The following C16orf90 variants were observed in gnomAD, a reference collection of about 807,000 sequenced individuals.
C16orf90 encodes the protein chromosome 16 open reading frame 90, also known as uncharacterized protein C16orf90.
C16orf90 carries 17 observed loss-of-function variants against 17.1 expected under a neutral mutation model. The observed-to-expected ratio is 1.00, with a 90% CI of 0.68 to 1.49. The LOEUF (loss-of-function observed/expected upper bound fraction) is 1.49. Ranked by LOEUF, C16orf90 falls within the 40% of genes most tolerant of loss-of-function variation. C16orf90 has a pLI of 0.00. For synonymous variants in C16orf90, 108 were observed against 95.8 expected, an observed-to-expected ratio of 1.13 and a Z score of -0.75; for missense variants, 255 against 235.5, an observed-to-expected ratio of 1.08 and a Z score of -0.54.
chr16:3,496,410 A>C, upstream of C16orf90: 1 of 1,047,610 alleles, frequency 9.5e-7, no homozygotes, highest in Non-Finnish European at 1.4e-6. Context: ...ATGATCCGGA[A>C]GATGAAGCTT....
chr16:3,494,217 G>A (rs1478531860), intron 2 of C16orf90, among the ~76,000 whole-genome samples: 3 of 152,176 alleles, frequency 2.0e-5, no homozygotes, highest in Non-Finnish European at 4.4e-5. Context: ...TTACAAGTGA[G>A]AAAACTGAGG....
chr16:3,493,987 G>A lies in C16orf90; in HGVS notation c.401C>T (p.Ala134Val), dbSNP rs112458235. 19 of 1,605,378 alleles carry A rather than the reference G, an allele frequency of 1.2e-5. No individual in the cohort carries two copies. The African/African-American group carries it at 2.0e-4, about 17-fold the overall frequency. ...GTCTGGGTCCATGCTGGAACTGGAA[G>A]CTGAGGAAAGAGGAGAGAAAGGAGT... Reference protein sequence around the residue: ...RLPRDSLGSSASSSSMDPDKG... With the variant: ...RLPRDSLGSSVSSSSMDPDKG... The change falls in exon 3 of 3, where the codon GCT (alanine) becomes GTT (valine). Residue 134 changes from alanine (A) to valine (V), a missense_variant and splice_region_variant. Physicochemically the swap from Ala to Val is moderately conservative, Grantham distance 64. Transcript: ENST00000437192.
upstream of C16orf90, chr16:3,496,462 T>A: frequency 1.1e-6 from 1 of 890,104 alleles, no homozygotes; most frequent in Non-Finnish European, 1.8e-6. Context: ...TGGGGACGCT[T>A]AACGGATGAC....
rs924942345 is a variant in C16orf90 at position 3,494,702 on chromosome 16, T to C, written c.222A>G (p.Pro74=). The C allele has an allele frequency of 6.2e-7, 1 of 1,609,286 alleles. No individual in the cohort carries two copies. Among genetic ancestry groups the C allele is most frequent in the Non-Finnish European group, 8.5e-7 (1 of 1,178,926 alleles). ...GLGLYLESHP[P]PTGQCESHWL... ...AGTGGCTCTCACACTGGCCAGTGGGTGGCGGGTGGCTCTCCAGGTAGAGGC... is the reference window on the plus strand; with the variant it reads ...AGTGGCTCTCACACTGGCCAGTGGGCGGCGGGTGGCTCTCCAGGTAGAGGC... Residue 74 remains proline (P), a synonymous_variant, in exon 2 of 3, where the codon CCA becomes CCG. Coordinates refer to ENST00000437192, the MANE Select transcript of C16orf90 (RefSeq NM_001080524.2).
chr16:3,493,727 G>C lies in C16orf90; in HGVS notation c.*112C>G. 4 of 1,095,346 alleles carry C rather than the reference G, an allele frequency of 3.7e-6. No homozygotes were observed. Among genetic ancestry groups the C allele is most frequent in the Non-Finnish European group, 5.1e-6 (4 of 782,764 alleles). 67.9% of individuals were successfully genotyped at this position (1,095,346 alleles called of 1,614,324 possible). On this transcript the variant is annotated 3_prime_UTR_variant, in exon 3 of 3. Transcript: ENST00000437192. The stretch of plus-strand genomic sequence containing the variant: ...GCCCAGGCCTGGGCGCTGGGCCGCT[G>C]CCTGGGCCACCCCATGTGGCAGGGC...
In C16orf90 at chr16:3,494,593, C is replaced by T. The variant is rs1262514566; in HGVS notation, c.331G>A (p.Gly111Ser). ...GCTGAACAGAGGCTGTTACGTGGGC[C>T]CAGAGTCCCCTGTGGCAGGTCCAGG... ...WALDLPQGTL[G>S]PRNSLCSALL... is the part of the protein sequence containing the mutation. Residue 111 changes from glycine to serine, a missense_variant, in exon 2 of 3, where the codon GGC (glycine) becomes AGC (serine). Coordinates refer to ENST00000437192, the MANE Select transcript of C16orf90 (RefSeq NM_001080524.2). 9.3e-6 allele frequency: 15 copies of T among 1,612,888 alleles called. No homozygotes were observed. Among genetic ancestry groups the T allele is most frequent in the Non-Finnish European group, 1.3e-5 (15 of 1,179,884 alleles).
chr16:3,493,758 C>G lies in C16orf90; in HGVS notation c.*81G>C. The G allele has an allele frequency of 1.4e-6, 2 of 1,429,820 alleles. No individual in the cohort carries two copies. Among genetic ancestry groups the G allele is most frequent in the Non-Finnish European group, 1.9e-6 (2 of 1,061,968 alleles). The allele number at this position is 1,429,820 out of a possible 1,614,324, so 88.6% of individuals were successfully genotyped here. On this transcript the variant is annotated 3_prime_UTR_variant, in exon 3 of 3. Transcript: ENST00000437192. ...GCCACCCCATGTGGCAGGGCCACTG[C>G]CGGGGGCCGAGCCCCTCCTGCTCAG... is the stretch of plus-strand genomic sequence containing the variant.
At position 3,493,671 on chromosome 16, in the gene C16orf90, C is replaced by T; in HGVS notation, c.*168G>A. The T allele has an allele frequency of 1.8e-6, 1 of 546,302 alleles. No homozygotes were observed. The highest frequency in any genetic ancestry group is 3.2e-6 in the Non-Finnish European group (1 of 313,100). 33.8% of individuals were successfully genotyped at this position (546,302 alleles called of 1,614,324 possible). The stretch of plus-strand genomic sequence containing the variant: ...TCTGCCCCTCCCTCGGAACCTCCTC[C>T]TCCTCCCTCTCCCCATCACATTCTC... On this transcript the variant is annotated 3_prime_UTR_variant, in exon 3 of 3. Coordinates refer to ENST00000437192, the MANE Select transcript of C16orf90 (RefSeq NM_001080524.2).
At position 3,493,657 on chromosome 16, in the gene C16orf90, C is replaced by G. The variant is rs1182956951; in HGVS notation, c.*182G>C. 3.8e-6 allele frequency: 2 copies of G among 522,768 alleles called. No homozygotes were observed. The highest frequency in any genetic ancestry group is 6.8e-6 in the Non-Finnish European group (2 of 294,020). The allele number at this position is 522,768 out of a possible 1,614,324, so 32.4% of individuals were successfully genotyped here. ...ATGCTTCTATTGCTTCTGCCCCTCCCTCGGAACCTCCTCCTCCTCCCTCTC... is the reference window on the plus strand; with the variant it reads ...ATGCTTCTATTGCTTCTGCCCCTCCGTCGGAACCTCCTCCTCCTCCCTCTC... On this transcript the variant is annotated 3_prime_UTR_variant, in exon 3 of 3. Transcript: ENST00000437192.
chr16:3,495,607 T>A, upstream of C16orf90: 1 of 1,292,854 alleles, frequency 7.7e-7, no homozygotes, highest in Non-Finnish European at 1.0e-6. Flanking sequence ...AAGGGCAGGG[T>A]GAAAGAAAGG....
chr16:3,495,442 A>ACT lies in C16orf90; in HGVS notation c.-22_-21insAG, dbSNP rs754599025. The ACT allele has an allele frequency of 6.8e-6, 11 of 1,606,720 alleles. No individual in the cohort carries two copies. The highest frequency in any genetic ancestry group is 1.7e-5 in the Admixed American group (1 of 59,270). On this transcript the variant is annotated 5_prime_UTR_variant, in exon 1 of 3. Transcript: ENST00000437192. ...TCCATGGAGGGCCAGTGTGGTGGGG[A>ACT]GGAGCAACCAGGACTTGGGTGCAGC...
chr16:3,493,697 C>T lies in C16orf90; in HGVS notation c.*142G>A, dbSNP rs1322967721. 1.5e-6 allele frequency: 1 copy of T among 668,920 alleles called. No individual in the cohort carries two copies. Among genetic ancestry groups the T allele is most frequent in the East Asian group, 2.8e-5 (1 of 35,936 alleles). 41.4% of individuals were successfully genotyped at this position (668,920 alleles called of 1,614,324 possible). ...TCCTCCCTCTCCCCATCACATTCTC[C>T]CGAGGCCCAGGCCTGGGCGCTGGGC... On this transcript the variant is annotated 3_prime_UTR_variant, in exon 3 of 3. Coordinates refer to ENST00000437192, the MANE Select transcript of C16orf90 (RefSeq NM_001080524.2).
chr16:3,495,465 A>G lies in C16orf90; in HGVS notation c.-44T>C. ...GGAGGAGCAACCAGGACTTGGGTGC[A>G]GCAGGGCCCTGCTCTCCCCTGCCTA... On this transcript the variant is annotated 5_prime_UTR_variant, in exon 1 of 3. Coordinates refer to ENST00000437192, the MANE Select transcript of C16orf90 (RefSeq NM_001080524.2). 6.3e-7 allele frequency: 1 copy of G among 1,598,858 alleles called. No individual in the cohort carries two copies. The highest frequency in any genetic ancestry group is 8.5e-7 in the Non-Finnish European group (1 of 1,171,992).
chr16:3,496,240 C>T, upstream of C16orf90: 1 of 635,642 alleles, frequency 1.6e-6, no homozygotes, highest in East Asian at 4.0e-5. Flanking sequence ...CCTAAAGGTT[C>T]GGCGCAAAGA....
intron 2 of C16orf90, among the ~76,000 whole-genome samples, chr16:3,494,229 C>T (rs2037270524): frequency 6.6e-6 from 1 of 152,096 alleles, no homozygotes. Flanking sequence ...AAACTGAGGC[C>T]CAGCAAGGGA....
Position 3,495,376 on chromosome 16 carries a change from C to T in C16orf90, c.46G>A (p.Asp16Asn), listed in dbSNP as rs1404778329. Residue 16 changes from aspartate (D) to asparagine (N), a missense_variant and splice_region_variant, in exon 1 of 3, where the codon GAT (aspartate) becomes AAT (asparagine). Transcript: ENST00000437192. ...CAFSELHIRE[D>N]AVSQAQGRPG... Reference sequence around the variant, plus strand: ...GCCACTCCTCCCCACAGCCCGGCACCTTCTCTTATGTGCAGCTCAGAAAAT... The same window carrying T: ...GCCACTCCTCCCCACAGCCCGGCACTTTCTCTTATGTGCAGCTCAGAAAAT... 1 of 1,607,730 alleles carries T rather than the reference C, an allele frequency of 6.2e-7. No individual in the cohort carries two copies. Among genetic ancestry groups the T allele is most frequent in the East Asian group, 2.2e-5 (1 of 44,816 alleles).
In C16orf90 at chr16:3,493,854, G is replaced by A. The variant is rs1305163611; in HGVS notation, c.534C>T (p.Ala178=). 2.5e-6 allele frequency: 4 copies of A among 1,603,680 alleles called. No homozygotes were observed. The highest frequency in any genetic ancestry group is 3.4e-5 in the Admixed American group (2 of 58,432). The change falls in exon 3 of 3, where the codon GCC becomes GCT. Residue 178 remains alanine, a synonymous_variant. Coordinates refer to ENST00000437192, the MANE Select transcript of C16orf90 (RefSeq NM_001080524.2). ...CPLCKRTRSG[A]LERP is the part of the protein sequence containing the mutation. ...CTCGGGATCCCTATGGCCTCTCCAG[G>A]GCCCCAGAGCGGGTTCTCTTGCACA...
upstream of C16orf90, chr16:3,496,426 C>A: frequency 9.9e-7 from 1 of 1,010,034 alleles, no homozygotes; most frequent in East Asian, 3.7e-5. Flanking sequence ...AGCTTCCTGG[C>A]TGGGAAAACA....
chr16:3,496,415 A>G (rs192480480), upstream of C16orf90: 473 of 1,098,988 alleles, frequency 4.3e-4, 6 homozygotes, highest in African/African-American at 6.2e-3. Context: ...CCGGAAGATG[A>G]AGCTTCCTGG....
Sources: gnomAD v4.1 joint callset for allele counts (sites outside exome capture counted in the v4.1 genomes callset) on GRCh38, gnomAD v4.1.1 for gene constraint, MANE v1.5 for transcripts, NCBI Gene and HGNC (gene_info 2026-07-23, HGNC 2026-07-21) for gene names.